DLX3: variants seen among roughly 807,000 people sequenced by gnomAD.
The protein encoded by DLX3 is homeobox protein DLX-3.
DLX3 carries 9 observed loss-of-function variants against 28.0 expected under a neutral mutation model. The ratio of observed to expected loss-of-function variants is 0.32; its 90% CI spans 0.19 to 0.56. The LOEUF (loss-of-function observed/expected upper bound fraction) is 0.56. DLX3 is among the 20% of genes least tolerant of loss of function. The pLI is 0.91. For synonymous variants in DLX3, 154 were observed against 167.9 expected (o/e 0.92, Z 0.64); for missense variants, 313 against 378.2 (o/e 0.83, Z 1.43).
At chr17:49,992,066 GCT>G (rs2144183134) in intron 2 of DLX3, among the ~76,000 whole-genome samples, 1 of 152,258 alleles carries the variant, frequency 6.6e-6, no homozygotes, top group Admixed American at 6.5e-5. Flanking sequence ...TCCAAATTCT[GCT>G]CTGTCACTTA....
In DLX3 at chr17:49,991,512, G is replaced by C. The variant is rs1252693369; in HGVS notation, c.*5C>G. The C allele has an allele frequency of 3.1e-6, 5 of 1,597,624 alleles. No individual in the cohort carries two copies. Among genetic ancestry groups the C allele is most frequent in the Non-Finnish European group, 3.4e-6 (4 of 1,176,630 alleles). The stretch of plus-strand genomic sequence containing the variant: ...CTTTGTCAAGGGTGCAGGCCAGATG[G>C]GTGCTCAGTACACAGCCCCAGGGTT... On this transcript the variant is annotated 3_prime_UTR_variant, in exon 3 of 3. Coordinates refer to ENST00000434704, the MANE Select transcript of DLX3 (RefSeq NM_005220.3).
chr17:49,992,741 T>C (rs1906136023), intron 2 of DLX3, among the ~76,000 whole-genome samples: 1 of 152,144 alleles, frequency 6.6e-6, no homozygotes, highest in Non-Finnish European at 1.5e-5. Flanking sequence ...AGGCATCCAC[T>C]GCTCCTCCCC....
In DLX3 at chr17:49,991,669, T is replaced by A; in HGVS notation, c.712A>T (p.Ser238Cys). The change falls in exon 3 of 3, where the codon AGT (serine) becomes TGT (cysteine). Residue 238 changes from serine to cysteine, a missense_variant. Physicochemically the swap from Ser to Cys is moderately radical, Grantham distance 112. Around this residue, in one of 3 missense-constraint regions of DLX3, gnomAD observed 120 missense variants for 145.4 expected, o/e 0.83. Coordinates refer to ENST00000434704, the MANE Select transcript of DLX3 (RefSeq NM_005220.3). ...TCGTCCAGGTAGCTGGGGGAGGCAC[T>A]GTATGGGAGCGGCGGGGGCAGCTGA... is the stretch of plus-strand genomic sequence containing the variant. ...RSQLPPPLPY[S>C]ASPSYLDDPT... is the part of the protein sequence containing the mutation. 1 of 1,613,604 alleles carries A rather than the reference T, an allele frequency of 6.2e-7. No individual in the cohort carries two copies. The highest frequency in any genetic ancestry group is 8.5e-7 in the Non-Finnish European group (1 of 1,179,860).
In DLX3 at chr17:49,995,011, T is replaced by C. The variant is rs1906228221; in HGVS notation, c.-13A>G. 6.2e-7 allele frequency: 1 copy of C among 1,609,336 alleles called. No individual in the cohort carries two copies. Among genetic ancestry groups the C allele is most frequent in the Admixed American group, 1.7e-5 (1 of 59,952 alleles). On this transcript the variant is annotated 5_prime_UTR_variant, in exon 1 of 3. Transcript: ENST00000434704. ...AGGAGCCACTCATCCTGGCGGGCGC[T>C]GCACCTCCCCAGGGCTGGCCTCCGC...
rs1410089965 is a variant in DLX3 at position 49,990,949 on chromosome 17, G to A, written c.*568C>T. The A allele has an allele frequency of 6.5e-6, 1 of 152,974 alleles. No homozygotes were observed. The highest frequency in any genetic ancestry group is 1.9e-4 in the East Asian group (1 of 5,186). 9.5% of individuals were successfully genotyped at this position (152,974 alleles called of 1,614,324 possible). On this transcript the variant is annotated 3_prime_UTR_variant, in exon 3 of 3. Transcript: ENST00000434704. The stretch of plus-strand genomic sequence containing the variant: ...TTGGTTTCACCCTCAAATCTTAAAT[G>A]AGGGCTAGAAGTGCAGGGCGGTGAC...
intron 2 of DLX3, 51 bp downstream of exon 2, chr17:49,993,349 G>C (rs551881925): frequency 1.3e-6 from 2 of 1,522,582 alleles, no homozygotes; most frequent in South Asian, 1.2e-5. Flanking sequence ...AGCGCGCGGG[G>C]AACTACGGGG....
rs1906214305 is a variant in DLX3 at position 49,994,654 on chromosome 17, C to T, written c.325+20G>A. 29 of 1,613,740 alleles carry T rather than the reference C, an allele frequency of 1.8e-5. No individual in the cohort carries two copies. Among genetic ancestry groups the T allele is most frequent in the Non-Finnish European group, 2.0e-5 (24 of 1,179,932 alleles). On this transcript the variant is annotated intron_variant, in intron 1 of 2. Coordinates refer to ENST00000434704, the MANE Select transcript of DLX3 (RefSeq NM_005220.3). ...ACCTTCCAGTGTCTCCCACTGTCCT[C>T]GCGACCCCGTGGCCCTCACCTGGGT... is the stretch of plus-strand genomic sequence containing the variant.
At chr17:49,992,326 C>CAGAT (rs1405569399) in intron 2 of DLX3, among the ~76,000 whole-genome samples, 1 of 152,124 alleles carries the variant, frequency 6.6e-6, no homozygotes, top group Non-Finnish European at 1.5e-5. Context: ...CAGAGGTGCA[C>CAGAT]AGATACACAG....
chr17:49,994,577 A>G, intron 1 of DLX3, 97 bp downstream of exon 1: 1 of 1,398,544 alleles, frequency 7.2e-7, no homozygotes, highest in Non-Finnish European at 9.9e-7. Flanking sequence ...TACTTTTCTT[A>G]GAAGTTTTCC....
chr17:49,994,940 A>T lies in DLX3; in HGVS notation c.59T>A (p.Leu20His). ...SSILTDISSS[L>H]SCHAGSKDSP... ...GTCCTTGGAGCCCGCATGGCAGCTA[A>T]GGGAGCTGGAGATGTCGGTGAGGAT... is the stretch of plus-strand genomic sequence containing the variant. Residue 20 changes from leucine to histidine, a missense_variant, in exon 1 of 3, where the codon CTT (leucine) becomes CAT (histidine). Physicochemically the swap from Leu to His is moderately conservative, Grantham distance 99 (BLOSUM62 -3). Around this residue, in one of 3 missense-constraint regions of DLX3, gnomAD observed 183 missense variants for 197.7 expected, o/e 0.93. Transcript: ENST00000434704. 2 of 1,613,882 alleles carry T rather than the reference A, an allele frequency of 1.2e-6. No homozygotes were observed. The highest frequency in any genetic ancestry group is 1.7e-6 in the Non-Finnish European group (2 of 1,180,034).
At position 49,995,136 on chromosome 17, in the gene DLX3, G is replaced by A. The variant is rs1028981560; in HGVS notation, c.-138C>T. On this transcript the variant is annotated 5_prime_UTR_variant, in exon 1 of 3. Transcript: ENST00000434704. The stretch of plus-strand genomic sequence containing the variant: ...GAGGACCCGGCCGCGTCTGGGGGGA[G>A]GGGGAGGCCGAGAGGCGCTTACACC... 5.4e-6 allele frequency: 6 copies of A among 1,108,742 alleles called. No individual in the cohort carries two copies. The highest frequency in any genetic ancestry group is 3.1e-5 in the African/African-American group (2 of 64,560). 68.7% of individuals were successfully genotyped at this position (1,108,742 alleles called of 1,614,324 possible).
rs148526203 is a variant in DLX3 at position 49,994,900 on chromosome 17, G to A, written c.99C>T (p.Pro33=). Residue 33 remains proline (P), a synonymous_variant, in exon 1 of 3, where the codon CCC becomes CCT. Coordinates refer to ENST00000434704, the MANE Select transcript of DLX3 (RefSeq NM_005220.3). The stretch of plus-strand genomic sequence containing the variant: ...AGCCCAGGTCAGTGACAGAAGACTC[G>A]GGCAGGGTAGGCGAGTCCTTGGAGC... ...HAGSKDSPTL[P]ESSVTDLGYY... is the part of the protein sequence containing the mutation. 1.9e-6 allele frequency: 3 copies of A among 1,614,194 alleles called. No homozygotes were observed. The highest frequency in any genetic ancestry group is 2.5e-6 in the Non-Finnish European group (3 of 1,180,044).
rs766585893 is a variant in DLX3, at chr17:49,991,680, G to A, written c.701C>T (p.Pro234Leu). Residue 234 changes from proline to leucine, a missense_variant, in exon 3 of 3, where the codon CCG (proline) becomes CTG (leucine). Around this residue, in one of 3 missense-constraint regions of DLX3, gnomAD observed 120 missense variants for 145.4 expected, o/e 0.83. Transcript: ENST00000434704. Reference sequence around the variant, plus strand: ...GCTGGGGGAGGCACTGTATGGGAGCGGCGGGGGCAGCTGACTGCGGGCAGG... The same window carrying A: ...GCTGGGGGAGGCACTGTATGGGAGCAGCGGGGGCAGCTGACTGCGGGCAGG... The part of the protein sequence containing the change: ...PAPARSQLPP[P>L]LPYSASPSYL... 12 of 1,613,110 alleles carry A rather than the reference G, an allele frequency of 7.4e-6. No individual in the cohort carries two copies. In the African/African-American group the frequency reaches 9.3e-5, roughly 13 times the overall value.
Position 49,995,201 on chromosome 17 carries a change from C to A in DLX3, c.-203G>T, listed in dbSNP as rs1245668746. On this transcript the variant is annotated 5_prime_UTR_variant, in exon 1 of 3. Coordinates refer to ENST00000434704, the MANE Select transcript of DLX3 (RefSeq NM_005220.3). ...GGCGGTCGCTGCGCGCCTCTCCTCG[C>A]GTCCCAAGCCACAATCAAATGCTGC... 3.0e-6 allele frequency: 2 copies of A among 658,062 alleles called. No individual in the cohort carries two copies. The highest frequency in any genetic ancestry group is 5.3e-6 in the Non-Finnish European group (2 of 378,770). 40.8% of individuals were successfully genotyped at this position (658,062 alleles called of 1,614,324 possible). A position where few individuals can be genotyped will look rare whatever the true frequency, so the allele number is the denominator to read the frequency against.
In DLX3 at chr17:49,991,735, A is replaced by T; in HGVS notation, c.646T>A (p.Trp216Arg). 6.2e-7 allele frequency: 1 copy of T among 1,613,980 alleles called. No individual in the cohort carries two copies. Among genetic ancestry groups the T allele is most frequent in the Non-Finnish European group, 8.5e-7 (1 of 1,179,976 alleles). The change falls in exon 3 of 3, where the codon TGG becomes AGG. Residue 216 changes from tryptophan (W) to arginine (R), a missense_variant. Physicochemically the swap from Trp to Arg is moderately radical, Grantham distance 101. Transcript: ENST00000434704. ...GGAGTGGAGTGGGAAGAGGTGTCCC[A>T]GAGGGCGGGTGATGGTGGTGAGTTG... Reference protein sequence around the residue: ...ACNSPPSPALWDTSSHSTPAP... With the variant: ...ACNSPPSPALRDTSSHSTPAP...
At chr17:49,994,639 G>T in intron 1 of DLX3, 35 bp downstream of exon 1, 1 of 1,611,794 alleles carries the variant, frequency 6.2e-7, no homozygotes, top group Non-Finnish European at 8.5e-7. Context: ...ACCTTCCAGT[G>T]TCTCCCACTG....
intron 1 of DLX3, 63 bp downstream of exon 1, chr17:49,994,611 C>T (rs1906212867): frequency 4.4e-6 from 7 of 1,588,396 alleles, no homozygotes; most frequent in Non-Finnish European, 6.0e-6. Flanking sequence ...CCAGTCCATG[C>T]CTTTTCCTCC....
At position 49,990,583 on chromosome 17, in the gene DLX3, G is replaced by C. The variant is rs895039188; in HGVS notation, c.*934C>G. On this transcript the variant is annotated 3_prime_UTR_variant, in exon 3 of 3. Transcript: ENST00000434704. ...AAGGAGGTGTTTGGGGGTTTGTCTT[G>C]CCTGGTATGTCTCTTTGGAGATTTG... 5.2e-5 allele frequency: 8 copies of C among 152,526 alleles called. No homozygotes were observed. The highest frequency in any genetic ancestry group is 1.2e-4 in the Non-Finnish European group (8 of 68,042). The allele number at this position is 152,526 out of a possible 1,614,324, so 9.4% of individuals were successfully genotyped here. A position where few individuals can be genotyped will look rare whatever the true frequency, so the allele number is the denominator to read the frequency against.
intron 2 of DLX3, among the ~76,000 whole-genome samples, chr17:49,992,359 A>T (rs1906120921): frequency 6.6e-6 from 1 of 152,064 alleles, no homozygotes; most frequent in African/African-American, 2.4e-5. Context: ...CCACATACAC[A>T]TCTCCATACC....
Sources: allele counts gnomAD v4.1 joint callset (sites outside exome capture counted in the v4.1 genomes callset), GRCh38; gene constraint gnomAD v4.1.1; regional missense constraint gnomAD v4.1.1; transcripts MANE v1.5; gene names NCBI Gene and HGNC (gene_info 2026-07-23, HGNC 2026-07-21).